The following ATXN7L1 variants were observed in gnomAD, a reference collection of about 807,000 sequenced individuals.
ATXN7L1 encodes ataxin-7-like protein 1.
Under a neutral mutation model 70.8 loss-of-function variants are expected in ATXN7L1, and 15 were observed. The ratio of observed to expected loss-of-function variants is 0.21; its 90% CI spans 0.14 to 0.33. ATXN7L1 has a LOEUF of 0.33. Ranked by LOEUF, ATXN7L1 falls within the 10% of genes least tolerant of loss-of-function variation. ATXN7L1 has a pLI of 1.00. For synonymous variants in ATXN7L1, 440 were observed against 445.1 expected (o/e 0.99, Z 0.14); for missense variants, 975 against 1,097.1 (o/e 0.89, Z 1.57).
intron 3 of ATXN7L1, among the ~76,000 whole-genome samples, chr7:105,709,900 T>G (rs1793670270): frequency 6.7e-6 from 1 of 150,092 alleles, no homozygotes; most frequent in African/African-American, 2.5e-5. Flanking sequence ...TGATACAGAG[T>G]CTCATTCTGT....
chr7:105,679,246 T>TACAACCCTGAC, intron 3 of ATXN7L1: 1 of 740,068 alleles, frequency 1.4e-6, no homozygotes, highest in Non-Finnish European at 1.6e-6. Context: ...ACAGTCAGGG[T>TACAACCCTGAC]TGTATCCTGA....
At chr7:105,865,685 G>A (rs1817346732) in intron 2 of ATXN7L1, among the ~76,000 whole-genome samples, 1 of 152,296 alleles carries the variant, frequency 6.6e-6, no homozygotes, top group South Asian at 2.1e-4. Context: ...ACAGGCGTGA[G>A]CCACTGCACC....
chr7:105,766,288 G>A (rs541735241), intron 3 of ATXN7L1, among the ~76,000 whole-genome samples: 1 of 151,922 alleles, frequency 6.6e-6, no homozygotes, highest in Non-Finnish European at 1.5e-5. Flanking sequence ...TATCTCTCAA[G>A]CCACTTACAG....
At chr7:105,876,225 G>A (rs767264849) in intron 1 of ATXN7L1, among the ~76,000 whole-genome samples, 153 bp downstream of exon 1, 2 of 152,136 alleles carry the variant, frequency 1.3e-5, no homozygotes, top group African/African-American at 2.4e-5. Flanking sequence ...TTGATGATCT[G>A]TCTCTGTGTG....
At chr7:105,870,791 G>C (rs543661953) in intron 2 of ATXN7L1, among the ~76,000 whole-genome samples, 18 of 152,172 alleles carry the variant, frequency 1.2e-4, no homozygotes, top group Non-Finnish European at 2.2e-4. Context: ...ACCTTTCACA[G>C]ATTAGGCTAA....
At chr7:105,733,836 G>A (rs1401260390) in intron 3 of ATXN7L1, among the ~76,000 whole-genome samples, 60 of 13,880 alleles carry the variant, frequency 4.3e-3, no homozygotes, top group Admixed American at 7.8e-3. Context: ...CCCTCCATCC[G>A]TCCACCCATC....
At chr7:105,849,182 AC>A (rs1814512393) in intron 2 of ATXN7L1, among the ~76,000 whole-genome samples, 1 of 152,196 alleles carries the variant, frequency 6.6e-6, no homozygotes, top group Non-Finnish European at 1.5e-5. Context: ...GAGGAGATGG[AC>A]AATCTCAACA....
intron 3 of ATXN7L1, among the ~76,000 whole-genome samples, chr7:105,751,176 T>C (rs1444245521): frequency 6.6e-6 from 1 of 151,990 alleles, no homozygotes; most frequent in African/African-American, 2.4e-5. Flanking sequence ...GTCACTGGAG[T>C]ATGGGATTAC....
rs114928037 is a variant in ATXN7L1, at chr7:105,783,393, G to A, written c.355+5211C>T. On this transcript the variant is annotated intron_variant, in intron 3 of 11. Coordinates refer to ENST00000419735, the MANE Select transcript of ATXN7L1 (RefSeq NM_020725.2). The stretch of plus-strand genomic sequence containing the variant: ...TAGTCCTCAGTTTCCTGACACAAGA[G>A]CTTCTCAGACCCTTGGGATCTCTGG... 5.1e-3 allele frequency among the ~76,000 whole-genome samples: 771 copies of A among 152,288 alleles called. 6 individuals are homozygous for A. The highest frequency in any genetic ancestry group is 0.018 in the African/African-American group (731 of 41,560).
At chr7:105,610,365 C>A (rs1407780247) in intron 11 of ATXN7L1, among the ~76,000 whole-genome samples, 164 bp downstream of exon 11, 1 of 152,172 alleles carries the variant, frequency 6.6e-6, no homozygotes, top group Non-Finnish European at 1.5e-5. Flanking sequence ...GTAACTTGCC[C>A]AAGGGCACAC....
At chr7:105,787,659 T>C (rs1019508795) in intron 3 of ATXN7L1, among the ~76,000 whole-genome samples, 1 of 152,118 alleles carries the variant, frequency 6.6e-6, no homozygotes, top group African/African-American at 2.4e-5. Flanking sequence ...AGTCAGAAAT[T>C]CGGAACGTGA....
Position 105,798,694 on chromosome 7 carries a change from G to C in ATXN7L1, c.251-9986C>G, listed in dbSNP as rs145329103. Among the ~76,000 whole-genome samples the C allele has an allele frequency of 1.7e-3, 257 of 152,314 alleles. 2 individuals are homozygous for C. The highest frequency in any genetic ancestry group is 5.6e-3 in the African/African-American group (231 of 41,554). On this transcript the variant is annotated intron_variant, in intron 2 of 11. Coordinates refer to ENST00000419735, the MANE Select transcript of ATXN7L1 (RefSeq NM_020725.2). ...GTCTTACTTGAAGATCTCCTTGTAGGCAACTGAATTCAGCCTTCTCTCTGA... is the reference window on the plus strand; with the variant it reads ...GTCTTACTTGAAGATCTCCTTGTAGCCAACTGAATTCAGCCTTCTCTCTGA...
At chr7:105,723,389 A>G (rs1302410312) in intron 3 of ATXN7L1, among the ~76,000 whole-genome samples, 1 of 152,252 alleles carries the variant, frequency 6.6e-6, no homozygotes, top group Non-Finnish European at 1.5e-5. Flanking sequence ...GTATGTATTC[A>G]ATAAATATTT....
At chr7:105,639,878 T>A (rs1486893880) in intron 5 of ATXN7L1, among the ~76,000 whole-genome samples, 1 of 152,162 alleles carries the variant, frequency 6.6e-6, no homozygotes, top group African/African-American at 2.4e-5. Context: ...AGAGGAGCCG[T>A]GCTGCTCTTA....
At chr7:105,743,094 A>T (rs1798196830) in intron 3 of ATXN7L1, among the ~76,000 whole-genome samples, 1 of 152,166 alleles carries the variant, frequency 6.6e-6, no homozygotes, top group Non-Finnish European at 1.5e-5. Flanking sequence ...GATGAGTGGG[A>T]GCTGTCAGAT....
chr7:105,811,048 G>A (rs1214695145), intron 2 of ATXN7L1, among the ~76,000 whole-genome samples: 1 of 152,164 alleles, frequency 6.6e-6, no homozygotes, highest in Non-Finnish European at 1.5e-5. Flanking sequence ...AGAAAGTTAC[G>A]GGGTCCCTGA....
At chr7:105,628,410 A>C (rs1297797519) in intron 7 of ATXN7L1, among the ~76,000 whole-genome samples, 6 of 152,158 alleles carry the variant, frequency 3.9e-5, no homozygotes, top group Non-Finnish European at 8.8e-5. Context: ...ATATGTAAGA[A>C]AGTTATTAAA....
intron 3 of ATXN7L1, among the ~76,000 whole-genome samples, chr7:105,691,089 C>T (rs1554430911): frequency 6.6e-6 from 1 of 152,200 alleles, no homozygotes; most frequent in Non-Finnish European, 1.5e-5. Flanking sequence ...TCCTCCGTCC[C>T]CCTCCCCCGT....
At chr7:105,860,930 G>A (rs1220194166) in intron 2 of ATXN7L1, among the ~76,000 whole-genome samples, 2 of 152,260 alleles carry the variant, frequency 1.3e-5, no homozygotes, top group Non-Finnish European at 2.9e-5. Context: ...GGAAGAGTCT[G>A]CAGCAGTGCA....
Sources: allele counts gnomAD v4.1 joint callset (sites outside exome capture counted in the v4.1 genomes callset), GRCh38; gene constraint gnomAD v4.1.1; transcripts MANE v1.5; gene names NCBI Gene and HGNC (gene_info 2026-07-23, HGNC 2026-07-21).